Variants in DDX60L observed in about 807,000 individuals in gnomAD.
DDX60L encodes probable ATP-dependent RNA helicase DDX60-like.
In DDX60L, 191 loss-of-function variants were observed where a neutral mutation model predicts 211.6. The ratio of observed to expected loss-of-function variants is 0.90; its 90% CI spans 0.80 to 1.02. The LOEUF (loss-of-function observed/expected upper bound fraction) is 1.02. Ranked by LOEUF, DDX60L falls within the 50% of genes least tolerant of loss-of-function variation. DDX60L has a pLI of 0.00. For missense variants in DDX60L, 2,007 were observed against 1,984.1 expected (o/e 1.01, Z -0.22); for synonymous variants, 706 against 694.1 (o/e 1.02, Z -0.27).
intron 22 of DDX60L, among the ~76,000 whole-genome samples, chr4:168,408,326 C>T (rs1748112957): frequency 6.6e-6 from 1 of 152,128 alleles, no homozygotes; most frequent in Non-Finnish European, 1.5e-5. Flanking sequence ...ATACAATATG[C>T]TGTTAAAATG....
intron 37 of DDX60L, among the ~76,000 whole-genome samples, chr4:168,358,529 T>TA (rs1560908082): frequency 3.5e-4 from 10 of 28,772 alleles, no homozygotes; most frequent in African/African-American, 9.4e-4. Flanking sequence ...TTTTTCTTTT[T>TA]TTTTTTTTTT....
In DDX60L at chr4:168,361,058, T is replaced by A. The variant is rs568517222; in HGVS notation, c.4991+91A>T. 22 of 977,720 alleles carry A rather than the reference T, an allele frequency of 2.3e-5. No homozygotes were observed. In the South Asian group the frequency reaches 3.2e-4, roughly 14 times the overall value. 60.6% of individuals were successfully genotyped at this position (977,720 alleles called of 1,614,324 possible). A position where few individuals can be genotyped will look rare whatever the true frequency, so the allele number is the denominator to read the frequency against. On this transcript the variant is annotated intron_variant, in intron 37 of 37. Coordinates refer to ENST00000682922, the MANE Select transcript of DDX60L (RefSeq NM_001012967.3). Reference sequence around the variant, plus strand: ...ATAGTATCTTCAGAGTGCTCCTTCATGAGAATCACAAACTTACACAAAGGA... The same window carrying A: ...ATAGTATCTTCAGAGTGCTCCTTCAAGAGAATCACAAACTTACACAAAGGA...
chr4:168,446,039 G>A (rs1754735747), intron 9 of DDX60L, among the ~76,000 whole-genome samples: 1 of 149,768 alleles, frequency 6.7e-6, no homozygotes, highest in South Asian at 2.2e-4. Flanking sequence ...GGGCAATTAG[G>A]CAGGAGAAGG....
chr4:168,478,610 C>A (rs575704777), intron 1 of DDX60L, among the ~76,000 whole-genome samples: 1 of 152,296 alleles, frequency 6.6e-6, no homozygotes, highest in Admixed American at 6.5e-5. Context: ...TTTCCACCCA[C>A]ATCAACATAG....
chr4:168,363,773 A>G (rs1462665254), intron 36 of DDX60L, among the ~76,000 whole-genome samples: 1 of 152,180 alleles, frequency 6.6e-6, no homozygotes, highest in Non-Finnish European at 1.5e-5. Context: ...GACATAAACA[A>G]CAAGAGAGGA....
At chr4:168,371,508 T>C (rs932477877) in intron 36 of DDX60L, 104 bp downstream of exon 36, 20 of 427,396 alleles carry the variant, frequency 4.7e-5, no homozygotes, top group Non-Finnish European at 6.1e-5. Context: ...TATAACTATA[T>C]AATGTAAATT....
At chr4:168,470,325 G>C (rs770175298) in intron 4 of DDX60L, 1 of 152,172 alleles carries the variant, frequency 6.6e-6, no homozygotes, top group Non-Finnish European at 1.5e-5. Context: ...ACGTCCACAC[G>C]AAGACTTGCA....
chr4:168,358,468 A>G (rs1045181372), intron 37 of DDX60L, among the ~76,000 whole-genome samples, 192 bp from the exon 38 acceptor site: 3 of 151,840 alleles, frequency 2.0e-5, no homozygotes, highest in Admixed American at 2.0e-4. Context: ...ATGTATCTTG[A>G]GAAAGATAAA....
At chr4:168,470,214 G>C (rs1222640864) in intron 4 of DDX60L, 1 of 152,236 alleles carries the variant, frequency 6.6e-6, no homozygotes, top group African/African-American at 2.4e-5. Flanking sequence ...TTCATTGCTG[G>C]AGTGAGTGTA....
At chr4:168,386,284 C>T (rs777284865) in intron 29 of DDX60L, among the ~76,000 whole-genome samples, 20 of 152,082 alleles carry the variant, frequency 1.3e-4, no homozygotes, top group Non-Finnish European at 2.8e-4. Flanking sequence ...TTTTCTCTAA[C>T]TCTTTTAACA....
chr4:168,374,084 T>C (rs1022191625), intron 34 of DDX60L, among the ~76,000 whole-genome samples: 1 of 152,018 alleles, frequency 6.6e-6, no homozygotes, highest in Non-Finnish European at 1.5e-5. Flanking sequence ...AGACATGATG[T>C]TCAGGCAGCT....
intron 10 of DDX60L, among the ~76,000 whole-genome samples, chr4:168,440,500 C>T (rs1242431715): frequency 1.3e-5 from 2 of 151,732 alleles, no homozygotes; most frequent in South Asian, 2.1e-4. Context: ...CAAGTACCCC[C>T]TCCTCAGTTT....
At chr4:168,450,878 G>A (rs1755715909) in intron 8 of DDX60L, among the ~76,000 whole-genome samples, 1 of 152,168 alleles carries the variant, frequency 6.6e-6, no homozygotes, top group Non-Finnish European at 1.5e-5. Flanking sequence ...CAGCACTCCA[G>A]CCTGGGCAAC....
At chr4:168,373,379 C>T (rs1352200399) in intron 35 of DDX60L, among the ~76,000 whole-genome samples, 3 of 151,912 alleles carry the variant, frequency 2.0e-5, no homozygotes, top group African/African-American at 7.3e-5. Flanking sequence ...AAATGTGAGC[C>T]GCTTTCTTTT....
rs1017004960 is a variant in DDX60L at position 168,415,935 on chromosome 4, A to T, written c.2727-136T>A. On this transcript the variant is annotated intron_variant, in intron 20 of 37. Coordinates refer to ENST00000682922, the MANE Select transcript of DDX60L (RefSeq NM_001012967.3). ...CTCTCAATTTAAACCACCTGAGTTG[A>T]CTTCAGAGCTGTGGACTTTGGGCAA... The T allele has an allele frequency of 9.3e-6, 7 of 750,610 alleles. No individual in the cohort carries two copies. The African/African-American group carries it at 1.1e-4, about 12-fold the overall frequency. The allele number at this position is 750,610 out of a possible 1,614,324, so 46.5% of individuals were successfully genotyped here.
At chr4:168,402,167 G>C (rs539514932) in intron 25 of DDX60L, among the ~76,000 whole-genome samples, 1 of 128,716 alleles carries the variant, frequency 7.8e-6, no homozygotes, top group African/African-American at 3.0e-5. Flanking sequence ...TTGCTCTGTC[G>C]CCCAGACTGG....
At chr4:168,432,299 TA>T (rs1401398088) in intron 12 of DDX60L, among the ~76,000 whole-genome samples, 155 bp downstream of exon 12, 2 of 148,798 alleles carry the variant, frequency 1.3e-5, no homozygotes, top group Non-Finnish European at 3.0e-5. Flanking sequence ...ATATTGTATA[TA>T]GAGATCTCAT....
At chr4:168,475,649 A>AT (rs1181662516) in intron 1 of DDX60L, among the ~76,000 whole-genome samples, 2 of 119,316 alleles carry the variant, frequency 1.7e-5, no homozygotes, top group Admixed American at 9.6e-5. Context: ...ATTATCATTT[A>AT]TAAAAAAAAA....
intron 22 of DDX60L, among the ~76,000 whole-genome samples, chr4:168,409,380 A>G (rs1561009181): frequency 3.9e-5 from 6 of 152,242 alleles, no homozygotes. Flanking sequence ...AAATGCTTAA[A>G]GGTAACTTAC....
Sources: allele counts gnomAD v4.1 joint callset (sites outside exome capture counted in the v4.1 genomes callset), GRCh38; gene constraint gnomAD v4.1.1; transcripts MANE v1.5; gene names NCBI Gene and HGNC (gene_info 2026-07-23, HGNC 2026-07-21).